The following SSH2 variants were observed in gnomAD, a reference collection of about 807,000 sequenced individuals.
The protein encoded by SSH2 is protein phosphatase Slingshot homolog 2.
SSH2 carries 37 observed loss-of-function variants against 135.2 expected under a neutral mutation model. The ratio of observed to expected loss-of-function variants is 0.27; its 90% CI spans 0.21 to 0.36. The LOEUF is 0.36. Ranked by LOEUF, SSH2 falls within the 10% of genes least tolerant of loss-of-function variation. SSH2 has a pLI of 1.00. For synonymous variants in SSH2, 628 were observed against 646.2 expected (o/e 0.97, Z 0.43); for missense variants, 1,408 against 1,765.3 (o/e 0.80, Z 3.63).
At chr17:29,680,926 C>T (rs1257937070) in intron 6 of SSH2, among the ~76,000 whole-genome samples, 5 of 152,046 alleles carry the variant, frequency 3.3e-5, no homozygotes, top group Non-Finnish European at 7.4e-5. Context: ...ACAGAAGCTG[C>T]AAAAGAGTGT....
intron 5 of SSH2, among the ~76,000 whole-genome samples, chr17:29,693,909 C>A (rs932542448): frequency 2.0e-5 from 3 of 152,140 alleles, no homozygotes; most frequent in Non-Finnish European, 2.9e-5. Context: ...AGCTGTCCCA[C>A]GGCATTCTTT....
intron 1 of SSH2, among the ~76,000 whole-genome samples, chr17:29,873,844 TAAAC>T (rs1306359999): frequency 2.0e-5 from 3 of 152,214 alleles, no homozygotes; most frequent in African/African-American, 7.2e-5. Flanking sequence ...CTGACTTACT[TAAAC>T]AAGCTTCTAG....
chr17:29,709,050 A>AGAGAGAGAGC (rs982312745), intron 3 of SSH2, among the ~76,000 whole-genome samples: 6 of 145,574 alleles, frequency 4.1e-5, no homozygotes, highest in Non-Finnish European at 7.5e-5. Flanking sequence ...AGAGAGAGAG[A>AGAGAGAGAGC]GAGCTAATAA....
intron 2 of SSH2, among the ~76,000 whole-genome samples, chr17:29,803,085 C>T (rs1376211485): frequency 2.0e-5 from 3 of 152,152 alleles, no homozygotes; most frequent in Non-Finnish European, 4.4e-5. Context: ...ATAAAGGCAT[C>T]AGGTCTGCCA....
chr17:29,691,963 A>G (rs933664507), intron 5 of SSH2, among the ~76,000 whole-genome samples: 3 of 151,248 alleles, frequency 2.0e-5, no homozygotes, highest in Admixed American at 6.6e-5. Context: ...ACATGGTGAA[A>G]GCCTGTCTCT....
At chr17:29,788,314 A>G (rs999902664) in intron 3 of SSH2, among the ~76,000 whole-genome samples, 1 of 152,202 alleles carries the variant, frequency 6.6e-6, no homozygotes, top group Non-Finnish European at 1.5e-5. Flanking sequence ...GAAGGCCTGA[A>G]TAGAACAAAA....
intron 1 of SSH2, among the ~76,000 whole-genome samples, chr17:29,857,946 G>A (rs2065693122): frequency 6.6e-6 from 1 of 152,088 alleles, no homozygotes; most frequent in East Asian, 1.9e-4. Context: ...TATGAGTTTT[G>A]ACTTGTCTAG....
At chr17:29,836,860 G>T (rs1013497526) in intron 2 of SSH2, among the ~76,000 whole-genome samples, 1 of 152,172 alleles carries the variant, frequency 6.6e-6, no homozygotes, top group African/African-American at 2.4e-5. Flanking sequence ...CATGACATTT[G>T]TCTTAACCGG....
At chr17:29,637,537 C>T (rs181258740) in intron 14 of SSH2, among the ~76,000 whole-genome samples, 1 of 152,226 alleles carries the variant, frequency 6.6e-6, no homozygotes, top group East Asian at 1.9e-4. Flanking sequence ...CTCAGCACTT[C>T]ATGGGAGGCC....
intron 2 of SSH2, among the ~76,000 whole-genome samples, chr17:29,800,514 G>A (rs1479013199): frequency 6.6e-6 from 1 of 152,142 alleles, no homozygotes; most frequent in African/African-American, 2.4e-5. Flanking sequence ...AAAAATGCCA[G>A]TCAATCTCTT....
intron 14 of SSH2, among the ~76,000 whole-genome samples, chr17:29,638,004 C>T (rs997948972): frequency 6.6e-6 from 1 of 151,798 alleles, no homozygotes; most frequent in Non-Finnish European, 1.5e-5. Context: ...ATCCCAGCTA[C>T]TCGGGAGGCT....
intron 1 of SSH2, among the ~76,000 whole-genome samples, chr17:29,909,533 A>C (rs1280823409): frequency 6.6e-6 from 1 of 152,224 alleles, no homozygotes; most frequent in Non-Finnish European, 1.5e-5. Flanking sequence ...GAAAAAGCAT[A>C]AGCTAATTAT....
Position 29,631,886 on chromosome 17 carries a change from A to T in SSH2, c.3308T>A (p.Leu1103Gln). 6.2e-7 allele frequency: 1 copy of T among 1,614,218 alleles called. No individual in the cohort carries two copies. Among genetic ancestry groups the T allele is most frequent in the Non-Finnish European group, 8.5e-7 (1 of 1,180,030 alleles). The change falls in exon 16 of 16, where the codon CTA becomes CAA. Residue 1103 changes from leucine to glutamine, a missense_variant. By Grantham distance (113) the Leu-to-Gln change is moderately radical (BLOSUM62 -2). Around this residue, in one of 3 missense-constraint regions of SSH2, gnomAD observed 1,080 missense variants for 1,144.5 expected, o/e 0.94. Coordinates refer to ENST00000540801, the MANE Select transcript of SSH2 (RefSeq NM_001282129.2). ...PNQVSLHPQVLPLPHSSSPEH... is the reference protein window; with the variant it reads ...PNQVSLHPQVQPLPHSSSPEH... Reference sequence around the variant, plus strand: ...AGGGGAGGAAGAATGAGGCAGAGGTAGCACTTGGGGGTGCAGAGAAACCTG... The same window carrying T: ...AGGGGAGGAAGAATGAGGCAGAGGTTGCACTTGGGGGTGCAGAGAAACCTG...
At chr17:29,887,911 T>C (rs763582288) in intron 1 of SSH2, among the ~76,000 whole-genome samples, 5 of 152,212 alleles carry the variant, frequency 3.3e-5, no homozygotes, top group Non-Finnish European at 7.3e-5. Context: ...AATATAGTTT[T>C]TGCAGATTAG....
intron 3 of SSH2, among the ~76,000 whole-genome samples, chr17:29,790,262 G>A (rs983111916): frequency 8.5e-5 from 13 of 152,102 alleles, no homozygotes; most frequent in African/African-American, 2.7e-4. Context: ...ATGATGGTGA[G>A]CCCCCCATGA....
chr17:29,731,605 G>A (rs986253329), intron 3 of SSH2, among the ~76,000 whole-genome samples: 3 of 152,052 alleles, frequency 2.0e-5, no homozygotes, highest in Non-Finnish European at 2.9e-5. Context: ...ACAGGCATGC[G>A]CCGCTACACC....
chr17:29,923,589 C>T (rs2067013152), intron 1 of SSH2, among the ~76,000 whole-genome samples: 2 of 151,130 alleles, frequency 1.3e-5, no homozygotes, highest in Admixed American at 1.3e-4. Context: ...CACTACACTC[C>T]AGCCTGGGCA....
chr17:29,833,919 G>A (rs1378460479), intron 2 of SSH2, among the ~76,000 whole-genome samples: 1 of 41,304 alleles, frequency 2.4e-5, no homozygotes, highest in Non-Finnish European at 4.9e-5. Context: ...CTCCCTCCCT[G>A]CCTCCTTCCC....
chr17:29,648,018 GAA>G lies in SSH2; in HGVS notation c.1427+124_1427+125del, dbSNP rs979615823. On this transcript the variant is annotated intron_variant, in intron 14 of 15. Coordinates refer to ENST00000540801, the MANE Select transcript of SSH2 (RefSeq NM_001282129.2). Reference sequence around the variant, plus strand: ...ATGTTTTGAAAACTGGATTGATAGAGAAATAAGTCTTTTTTGAAAAAATATCA... The same window carrying G: ...ATGTTTTGAAAACTGGATTGATAGAGATAAGTCTTTTTTGAAAAAATATCA... 4 of 929,256 alleles carry G rather than the reference GAA, an allele frequency of 4.3e-6. No homozygotes were observed. The African/African-American group carries it at 6.6e-5, about 15-fold the overall frequency. 57.6% of individuals were successfully genotyped at this position (929,256 alleles called of 1,614,324 possible).
Sources: allele counts gnomAD v4.1 joint callset (sites outside exome capture counted in the v4.1 genomes callset), GRCh38; gene constraint gnomAD v4.1.1; regional missense constraint gnomAD v4.1.1; transcripts MANE v1.5; gene names NCBI Gene and HGNC (gene_info 2026-07-23, HGNC 2026-07-21).